The following PIGH variants were observed in gnomAD, a reference collection of about 807,000 sequenced individuals.
PIGH encodes phosphatidylinositol N-acetylglucosaminyltransferase subunit H.
Under a neutral mutation model 20.1 loss-of-function variants are expected in PIGH, and 11 were observed. The observed-to-expected ratio is 0.55, with a 90% CI of 0.34 to 0.91. PIGH has a LOEUF of 0.91. Among genes scored for constraint, PIGH ranks in the 40% least tolerant of loss-of-function variants. The pLI is 0.02. For missense variants in PIGH, 189 were observed against 233.6 expected (o/e 0.81, Z 1.24); for synonymous variants, 72 against 93.1 (o/e 0.77, Z 1.31).
In PIGH at chr14:67,590,141, T is replaced by C; in HGVS notation, c.506A>G (p.Glu169Gly). 6.4e-7 allele frequency: 1 copy of C among 1,551,184 alleles called. No individual in the cohort carries two copies. Among genetic ancestry groups the C allele is most frequent in the Non-Finnish European group, 8.7e-7 (1 of 1,146,782 alleles). ...GATCTCCTGGCAGCTCCTGTATACT[T>C]CAATCAAGCAGTCCAGCCGGGGCTT... ...SAKPRLDCLI[E>G]VYRSCQEILA... The change falls in exon 4 of 4, where the codon GAA becomes GGA. Residue 169 changes from glutamate to glycine, a missense_variant. Physicochemically the swap from Glu to Gly is moderately conservative, Grantham distance 98. Transcript: ENST00000216452.
intron 3 of PIGH, chr14:67,592,301 G>T (rs550985074): frequency 4.7e-6 from 2 of 427,370 alleles, no homozygotes; most frequent in African/African-American, 2.1e-5. Context: ...TTAGCCAGGC[G>T]AGATGGTGCA....
chr14:67,600,213 A>C lies in PIGH; in HGVS notation c.-10T>G. 1 of 1,561,066 alleles carries C rather than the reference A, an allele frequency of 6.4e-7. No individual in the cohort carries two copies. Reference sequence around the variant, plus strand: ...TCCGCTCATCCTCCATGACGCCCCCACTCGGCCGCCCGCACCGCGCGGCGC... The same window carrying C: ...TCCGCTCATCCTCCATGACGCCCCCCCTCGGCCGCCCGCACCGCGCGGCGC... On this transcript the variant is annotated 5_prime_UTR_variant, in exon 1 of 4. Transcript: ENST00000216452.
At chr14:67,595,703 C>T (rs2036460463) in intron 1 of PIGH, among the ~76,000 whole-genome samples, 1 of 152,342 alleles carries the variant, frequency 6.6e-6, no homozygotes, top group African/African-American at 2.4e-5. Context: ...ATACCTGGAA[C>T]TACTATGGCC....
intron 1 of PIGH, among the ~76,000 whole-genome samples, chr14:67,595,870 C>T (rs4902497): frequency 0.32 from 48,089 of 152,022 alleles, 8,234 homozygotes; most frequent in African/African-American, 0.45. Flanking sequence ...TGAGTCTCCA[C>T]GTGAACTCTG....
At chr14:67,592,893 C>T in intron 2 of PIGH, 175 bp from the exon 3 acceptor site, 1 of 473,362 alleles carries the variant, frequency 2.1e-6, no homozygotes, top group Non-Finnish European at 3.8e-6. Context: ...TCAAGCGATT[C>T]TCCTGCCTCA....
intron 1 of PIGH, among the ~76,000 whole-genome samples, chr14:67,596,847 T>G (rs2036484704): frequency 6.6e-6 from 1 of 152,232 alleles, no homozygotes. Flanking sequence ...AAATCTCCAC[T>G]TGTCCATGCT....
At chr14:67,598,732 C>CA (rs1311199705) in intron 1 of PIGH, among the ~76,000 whole-genome samples, 11 of 103,804 alleles carry the variant, frequency 1.1e-4, no homozygotes, top group Non-Finnish European at 1.8e-4. Context: ...TTTTTTGAGA[C>CA]AGAGTCTCCC....
intron 3 of PIGH, among the ~76,000 whole-genome samples, chr14:67,591,242 C>T (rs1282264586): frequency 7.9e-5 from 12 of 152,138 alleles, no homozygotes. Flanking sequence ...CCTTTACCTA[C>T]ATATTAAGCT....
rs143538520 is a variant in PIGH at position 67,599,955 on chromosome 14, A to G, written c.180+69T>C. 255 of 1,342,108 alleles carry G rather than the reference A, an allele frequency of 1.9e-4. No individual in the cohort carries two copies. In the African/African-American group the frequency reaches 3.6e-3, roughly 19 times the overall value. 83.1% of individuals were successfully genotyped at this position (1,342,108 alleles called of 1,614,324 possible). A position where few individuals can be genotyped will look rare whatever the true frequency, so the allele number is the denominator to read the frequency against. ...CGACCAGAGGTCCGGGCTCGACCAA[A>G]GACCCCAAAGACCCTCCCAAAGCCG... On this transcript the variant is annotated intron_variant, in intron 1 of 3. Transcript: ENST00000216452.
chr14:67,594,637 G>A (rs2036436714), intron 1 of PIGH, among the ~76,000 whole-genome samples: 1 of 150,444 alleles, frequency 6.6e-6, no homozygotes, highest in Non-Finnish European at 1.5e-5. Context: ...TGATGACAGA[G>A]TGAGACATCT....
chr14:67,599,335 G>A (rs1037331878), intron 1 of PIGH, among the ~76,000 whole-genome samples: 42 of 152,160 alleles, frequency 2.8e-4, no homozygotes, highest in African/African-American at 8.9e-4. Context: ...TCATGAAGCT[G>A]GTATGGCAGG....
intron 2 of PIGH, among the ~76,000 whole-genome samples, chr14:67,593,018 C>G (rs1464567784): frequency 6.6e-6 from 1 of 152,144 alleles, no homozygotes; most frequent in African/African-American, 2.4e-5. Flanking sequence ...AACTCCCGAC[C>G]TTAGGTGATC....
intron 3 of PIGH, among the ~76,000 whole-genome samples, chr14:67,591,177 A>G (rs1446075602): frequency 6.6e-6 from 1 of 152,196 alleles, no homozygotes; most frequent in East Asian, 1.9e-4. Flanking sequence ...AAATACTGAT[A>G]GGTAATACAA....
intron 3 of PIGH, among the ~76,000 whole-genome samples, chr14:67,591,154 TTAAAG>T (rs1465117497): frequency 1.3e-5 from 2 of 152,078 alleles, no homozygotes; most frequent in African/African-American, 2.4e-5. Flanking sequence ...GATAGGTAGT[TTAAAG>T]TAAGAGGAAA....
chr14:67,594,601 C>T (rs1459353757), intron 1 of PIGH, among the ~76,000 whole-genome samples: 20 of 151,394 alleles, frequency 1.3e-4, no homozygotes, highest in African/African-American at 4.6e-4. Flanking sequence ...TGCAGTGAGC[C>T]GAGATCGCAC....
intron 3 of PIGH, among the ~76,000 whole-genome samples, chr14:67,591,137 T>C (rs1173417031): frequency 2.6e-5 from 4 of 152,130 alleles, no homozygotes; most frequent in Non-Finnish European, 5.9e-5. Context: ...ACTTGACTAA[T>C]AGAGAAGATA....
At chr14:67,591,068 A>G (rs1177647152) in intron 3 of PIGH, among the ~76,000 whole-genome samples, 4 of 152,308 alleles carry the variant, frequency 2.6e-5, no homozygotes, top group Middle Eastern at 3.4e-3. Context: ...TACCTAAAAT[A>G]TATAAAGAAT....
intron 2 of PIGH, 61 bp from the exon 3 acceptor site, chr14:67,592,779 C>G: frequency 1.9e-6 from 2 of 1,035,672 alleles, no homozygotes; most frequent in Non-Finnish European, 3.0e-6. Flanking sequence ...TTCTTTTTTT[C>G]TTTTTCCTTT....
Position 67,600,018 on chromosome 14 carries a change from C to T in PIGH, c.180+6G>A, listed in dbSNP as rs150966448. The T allele has an allele frequency of 9.4e-3, 14,539 of 1,554,710 alleles. 77 individuals are homozygous for T. Among genetic ancestry groups the T allele is most frequent in the Non-Finnish European group, 0.012 (13,257 of 1,149,782 alleles). ...CGAGCGCGGGGAGGGGCCGACTTGCCATTACCTCGCAGAGGGTGAAGAGTC... is the reference window on the plus strand; with the variant it reads ...CGAGCGCGGGGAGGGGCCGACTTGCTATTACCTCGCAGAGGGTGAAGAGTC... On this transcript the variant is annotated splice_donor_region_variant and intron_variant, in intron 1 of 3. Coordinates refer to ENST00000216452, the MANE Select transcript of PIGH (RefSeq NM_004569.5).
Sources: gnomAD v4.1 joint callset for allele counts (sites outside exome capture counted in the v4.1 genomes callset) on GRCh38, gnomAD v4.1.1 for gene constraint, MANE v1.5 for transcripts, NCBI Gene and HGNC (gene_info 2026-07-23, HGNC 2026-07-21) for gene names.